CDH8: variants seen among roughly 807,000 people sequenced by gnomAD.
CDH8 encodes cadherin-8.
CDH8 carries 17 observed loss-of-function variants against 68.1 expected under a neutral mutation model. The ratio of observed to expected loss-of-function variants is 0.25; its 90% CI spans 0.17 to 0.37. CDH8 has a LOEUF of 0.37. CDH8 is among the 10% of genes least tolerant of loss of function. CDH8 has a pLI of 1.00. For missense variants in CDH8, 763 were observed against 999.3 expected (o/e 0.76, Z 3.19); for synonymous variants, 372 against 365.1 (o/e 1.02, Z -0.21).
intron 8 of CDH8, among the ~76,000 whole-genome samples, chr16:61,761,224 CTG>C (rs1960459459): frequency 6.6e-6 from 1 of 152,126 alleles, no homozygotes; most frequent in South Asian, 2.1e-4. Flanking sequence ...GAAGAAATAA[CTG>C]CCAATTTCAG....
At chr16:62,012,443 A>C (rs1054513363) in intron 2 of CDH8, among the ~76,000 whole-genome samples, 7 of 152,198 alleles carry the variant, frequency 4.6e-5, no homozygotes, top group African/African-American at 1.4e-4. Flanking sequence ...CTAGTGCTTT[A>C]TTAATTGATG....
At chr16:61,966,045 G>A (rs1372971795) in intron 2 of CDH8, among the ~76,000 whole-genome samples, 1 of 152,118 alleles carries the variant, frequency 6.6e-6, no homozygotes, top group African/African-American at 2.4e-5. Flanking sequence ...CAAGATTTAG[G>A]AAGAAATAGC....
intron 2 of CDH8, among the ~76,000 whole-genome samples, chr16:61,923,443 C>T (rs147790928): frequency 1.3e-5 from 2 of 151,894 alleles, no homozygotes; most frequent in East Asian, 1.9e-4. Flanking sequence ...AGCAGCATAA[C>T]GTTTGGGAAA....
chr16:61,908,910 C>T (rs1964109830), intron 2 of CDH8, among the ~76,000 whole-genome samples: 1 of 152,024 alleles, frequency 6.6e-6, no homozygotes, highest in Non-Finnish European at 1.5e-5. Flanking sequence ...ATGCAATGAC[C>T]CTCATGATCA....
chr16:61,962,975 G>C (rs1181459555), intron 2 of CDH8, among the ~76,000 whole-genome samples: 1 of 152,032 alleles, frequency 6.6e-6, no homozygotes, highest in Non-Finnish European at 1.5e-5. Flanking sequence ...CATCAATGTT[G>C]TATTTTTAAT....
At chr16:61,843,940 T>C (rs1251769410) in intron 4 of CDH8, among the ~76,000 whole-genome samples, 1 of 152,088 alleles carries the variant, frequency 6.6e-6, no homozygotes, top group Non-Finnish European at 1.5e-5. Flanking sequence ...TGGTGTGAGA[T>C]GGTATCTCAT....
At chr16:61,834,080 G>A (rs971989814) in intron 4 of CDH8, among the ~76,000 whole-genome samples, 5 of 151,886 alleles carry the variant, frequency 3.3e-5, no homozygotes, top group Non-Finnish European at 7.4e-5. Flanking sequence ...AAGAGAAAAA[G>A]AGAAGATAGG....
chr16:61,899,173 C>G (rs2143248972), intron 3 of CDH8, among the ~76,000 whole-genome samples: 1 of 152,234 alleles, frequency 6.6e-6, no homozygotes, highest in African/African-American at 2.4e-5. Flanking sequence ...GTTTCCTTCC[C>G]TGTGTCCATG....
At chr16:61,673,251 G>A (rs532791766) in intron 10 of CDH8, among the ~76,000 whole-genome samples, 1 of 152,008 alleles carries the variant, frequency 6.6e-6, no homozygotes, top group South Asian at 2.1e-4. Context: ...TTTGTATTGA[G>A]GCCTCTCCTT....
chr16:61,712,410 A>G (rs1964647494), intron 10 of CDH8, among the ~76,000 whole-genome samples: 1 of 151,660 alleles, frequency 6.6e-6, no homozygotes, highest in African/African-American at 2.4e-5. Context: ...TTGGAATGGG[A>G]AATAACTTAT....
chr16:61,825,247 A>C, intron 4 of CDH8, 68 bp from the exon 5 acceptor site: 671 of 1,154,992 alleles, frequency 5.8e-4, no homozygotes, highest in Non-Finnish European at 7.8e-4. Context: ...TGTTAATCTC[A>C]CACATGCACA....
At chr16:61,745,836 C>CT (rs532318854) in intron 8 of CDH8, among the ~76,000 whole-genome samples, 1 of 151,798 alleles carries the variant, frequency 6.6e-6, no homozygotes, top group South Asian at 2.1e-4. Flanking sequence ...TTTCTATTGT[C>CT]TTTTTTCTGA....
intron 7 of CDH8, among the ~76,000 whole-genome samples, chr16:61,791,014 C>T (rs946821302): frequency 6.6e-6 from 1 of 151,290 alleles, no homozygotes; most frequent in Non-Finnish European, 1.5e-5. Flanking sequence ...CAAAGATAAG[C>T]ATAATTAAAA....
intron 2 of CDH8, among the ~76,000 whole-genome samples, chr16:61,914,290 C>T (rs1388825220): frequency 6.6e-6 from 1 of 152,206 alleles, no homozygotes; most frequent in Admixed American, 6.5e-5. Flanking sequence ...CAAGCTCATA[C>T]ATCTTCCTAA....
chr16:61,677,999 G>T (rs1963946131), intron 10 of CDH8, among the ~76,000 whole-genome samples: 1 of 152,056 alleles, frequency 6.6e-6, no homozygotes. Context: ...GGCTTCATCT[G>T]CATGATAAAC....
rs138809446 is a variant in CDH8 at position 61,930,804 on chromosome 16, G to A, written c.253-29331C>T. 6.8e-3 allele frequency among the ~76,000 whole-genome samples: 1,027 copies of A among 152,120 alleles called. 11 individuals carry two copies. The highest frequency in any genetic ancestry group is 0.024 in the African/African-American group (989 of 41,492). On this transcript the variant is annotated intron_variant, in intron 2 of 11. Transcript: ENST00000577390. The stretch of plus-strand genomic sequence containing the variant: ...TTAAGGATTTTCTAACCACAATTTT[G>A]TCTAGTTAAGAAAAGTAGTCTCTAG...
At chr16:61,883,997 C>A (rs1287119448) in intron 3 of CDH8, among the ~76,000 whole-genome samples, 1 of 151,380 alleles carries the variant, frequency 6.6e-6, no homozygotes, top group African/African-American at 2.4e-5. Context: ...AAGTGAATTT[C>A]TGTTAGAAAA....
intron 2 of CDH8, among the ~76,000 whole-genome samples, chr16:61,993,886 C>A (rs1965769071): frequency 6.6e-6 from 1 of 152,126 alleles, no homozygotes; most frequent in Admixed American, 6.6e-5. Flanking sequence ...ATAGCACTGA[C>A]ATTATTTTCA....
In CDH8 at chr16:61,911,746, C is replaced by T. The variant is rs117680612; in HGVS notation, c.253-10273G>A. On this transcript the variant is annotated intron_variant, in intron 2 of 11. Transcript: ENST00000577390. ...CTATAAAGAAAGCAGAAGTTTTCAA[C>T]AAATAAACACCCAGTGAAGTAATAA... 5.3e-3 allele frequency among the ~76,000 whole-genome samples: 802 copies of T among 151,502 alleles called. 6 individuals are homozygous for T. Among genetic ancestry groups the T allele is most frequent in the East Asian group, 0.034 (174 of 5,148 alleles).
Sources: gnomAD v4.1 joint callset for allele counts (sites outside exome capture counted in the v4.1 genomes callset) on GRCh38, gnomAD v4.1.1 for gene constraint, MANE v1.5 for transcripts, NCBI Gene and HGNC (gene_info 2026-07-23, HGNC 2026-07-21) for gene names.